Variants in MROH2A observed in about 807,000 individuals in gnomAD.
The protein encoded by MROH2A is maestro heat like repeat family member 2A, also known as maestro heat-like repeat-containing protein family member 2A.
In MROH2A, 174 loss-of-function variants were observed where a neutral mutation model predicts 200.4. The ratio of observed to expected loss-of-function variants is 0.87; its 90% CI spans 0.77 to 0.98. The LOEUF is 0.98. MROH2A is among the 50% of genes least tolerant of loss of function. The pLI is 0.00. For synonymous variants in MROH2A, 829 were observed against 840.4 expected, an observed-to-expected ratio of 0.99 and a Z score of 0.23; for missense variants, 2,045 against 2,139.6, an observed-to-expected ratio of 0.96 and a Z score of 0.87.
Position 233,820,081 on chromosome 2 carries a change from C to G in MROH2A, c.3512+25C>G. The G allele has an allele frequency of 6.7e-7, 1 of 1,488,500 alleles. No individual in the cohort carries two copies. Among genetic ancestry groups the G allele is most frequent in the Non-Finnish European group, 9.0e-7 (1 of 1,110,750 alleles). The allele number at this position is 1,488,500 out of a possible 1,614,324, so 92.2% of individuals were successfully genotyped here. ...GGTGGGTGCCCTGGAGGAGGTGGCC[C>G]CGGCCTCCTGTGCCATTTGACCATG... is the stretch of plus-strand genomic sequence containing the variant. On this transcript the variant is annotated intron_variant, in intron 31 of 41. Transcript: ENST00000389758. This position sits in a 1 kb window ranked among gnomAD's most constrained non-coding sequence, Gnocchi z 4.1.
Position 233,833,386 on chromosome 2 carries a change from C to A in MROH2A, c.*127C>A. The A allele has an allele frequency of 9.1e-7, 1 of 1,100,370 alleles. No homozygotes were observed. The highest frequency in any genetic ancestry group is 1.2e-6 in the Non-Finnish European group (1 of 807,990). 68.2% of individuals were successfully genotyped at this position (1,100,370 alleles called of 1,614,324 possible). ...AAAATAACTAGTATCCTTTTGTTTC[C>A]TTCCGTTGAAATAAACCTCCACTGT... On this transcript the variant is annotated 3_prime_UTR_variant, in exon 42 of 42. Transcript: ENST00000389758.
chr2:233,793,084 T>C (rs1255981378), intron 6 of MROH2A, among the ~76,000 whole-genome samples, 190 bp downstream of exon 6: 1 of 152,158 alleles, frequency 6.6e-6, no homozygotes, highest in African/African-American at 2.4e-5. Flanking sequence ...GGCTGAGACA[T>C]GGTGGGGGCC....
At chr2:233,796,430 G>A (rs952607595) in intron 11 of MROH2A, 117 bp downstream of exon 11, 2 of 676,142 alleles carry the variant, frequency 3.0e-6, no homozygotes, top group Admixed American at 2.8e-5. Context: ...ACTACTGGGT[G>A]GGCCAAGAAA....
chr2:233,803,334 A>C, intron 15 of MROH2A, 114 bp from the exon 16 acceptor site: 6 of 1,095,402 alleles, frequency 5.5e-6, no homozygotes, highest in Non-Finnish European at 6.7e-6. Flanking sequence ...GGTTTGGGGA[A>C]CAAGATCATG....
intron 18 of MROH2A, 115 bp downstream of exon 18, chr2:233,804,662 TCTC>T (rs1575959959): frequency 1.1e-6 from 1 of 898,806 alleles, no homozygotes. Context: ...AAGGACATGT[TCTC>T]CTTCTGTCAG....
At position 233,833,310 on chromosome 2, in the gene MROH2A, C is replaced by T; in HGVS notation, c.*51C>T. 1 of 1,454,546 alleles carries T rather than the reference C, an allele frequency of 6.9e-7. No homozygotes were observed. Among genetic ancestry groups the T allele is most frequent in the Admixed American group, 3.0e-5 (1 of 32,836 alleles). 90.1% of individuals were successfully genotyped at this position (1,454,546 alleles called of 1,614,324 possible). ...GTCTTCTTAGTGCCAAATGCAAGCCCTTTTTAATTTAGTTTGTAAGAAGTT... is the reference window on the plus strand; with the variant it reads ...GTCTTCTTAGTGCCAAATGCAAGCCTTTTTTAATTTAGTTTGTAAGAAGTT... On this transcript the variant is annotated 3_prime_UTR_variant, in exon 42 of 42. Coordinates refer to ENST00000389758, the MANE Select transcript of MROH2A (RefSeq NM_001394639.1).
intron 3 of MROH2A, among the ~76,000 whole-genome samples, chr2:233,788,939 A>C (rs1382747409): frequency 3.0e-5 from 1 of 33,158 alleles, no homozygotes; most frequent in Admixed American, 3.3e-4. Flanking sequence ...ACTCCGTCTC[A>C]AAAAAAAAAA....
chr2:233,787,726 C>CATATATACATATATATTATATATATT (rs1701336861), intron 3 of MROH2A, among the ~76,000 whole-genome samples: 1 of 34,522 alleles, frequency 2.9e-5, no homozygotes, highest in Non-Finnish European at 4.9e-5. Context: ...TTATATATAT[C>CATATATACATATATATTATATATATT]ATATATACAT....
rs13006594 is a variant in MROH2A, at chr2:233,790,483, C to T, written c.571+469C>T. 3.9e-4 allele frequency among the ~76,000 whole-genome samples: 11 copies of T among 28,394 alleles called. 1 individual carries two copies. The highest frequency in any genetic ancestry group is 2.3e-3 in the East Asian group (1 of 430). The allele number at this position is 28,394 out of a possible 152,430, so 18.6% of individuals were successfully genotyped here. Reference sequence around the variant, plus strand: ...CTTCCTCCCTCCCTCCTTCCTTCCTCCCTCCCTCCTTCCTTCCTTTCCTTT... The same window carrying T: ...CTTCCTCCCTCCCTCCTTCCTTCCTTCCTCCCTCCTTCCTTCCTTTCCTTT... On this transcript the variant is annotated intron_variant, in intron 5 of 41. Coordinates refer to ENST00000389758, the MANE Select transcript of MROH2A (RefSeq NM_001394639.1).
Position 233,800,091 on chromosome 2 carries a change from T to A in MROH2A, c.1450-114T>A, listed in dbSNP as rs890251157. The A allele has an allele frequency of 9.6e-5, 102 of 1,062,308 alleles. 2 individuals carry two copies. The highest frequency in any genetic ancestry group is 8.6e-4 in the Middle Eastern group (4 of 4,648). 65.8% of individuals were successfully genotyped at this position (1,062,308 alleles called of 1,614,324 possible). ...TAGATATATGCACAGCTCTGAGCAT[T>A]CTGTAGACTCAGTATCTGGGCATGG... On this transcript the variant is annotated intron_variant, in intron 13 of 41. Coordinates refer to ENST00000389758, the MANE Select transcript of MROH2A (RefSeq NM_001394639.1).
chr2:233,783,566 A>G (rs1270824333), intron 3 of MROH2A, among the ~76,000 whole-genome samples: 1 of 150,034 alleles, frequency 6.7e-6, no homozygotes, highest in Non-Finnish European at 1.5e-5. Flanking sequence ...TATTTTGGTG[A>G]CAAGAGTCTC....
rs747062571 is a variant in MROH2A at position 233,799,904 on chromosome 2, G to A, written c.1449+5G>A. 1 of 1,550,484 alleles carries A rather than the reference G, an allele frequency of 6.4e-7. No homozygotes were observed. Among genetic ancestry groups the A allele is most frequent in the Non-Finnish European group, 8.7e-7 (1 of 1,146,922 alleles). On this transcript the variant is annotated splice_donor_5th_base_variant and intron_variant, in intron 13 of 41. Coordinates refer to ENST00000389758, the MANE Select transcript of MROH2A (RefSeq NM_001394639.1). ...ACCTTATCCACCTACAAACTGGTGA[G>A]TGGCCCTGATACGCAGACCGCAGAG...
chr2:233,794,114 C>T (rs1701954697), intron 7 of MROH2A, among the ~76,000 whole-genome samples: 1 of 152,100 alleles, frequency 6.6e-6, no homozygotes, highest in African/African-American at 2.4e-5. Context: ...ATTTTCACAC[C>T]CACTCTGTGA....
chr2:233,793,796 C>A lies in MROH2A; in HGVS notation c.794C>A (p.Thr265Lys). ...TTCCCCATGTATCGCTACTTCGTGA[C>A]AGTGTGGCTGAGGCACTACAACCCC... ...KVFPMYRYFV[T>K]VWLRHYNPEV... The change falls in exon 7 of 42, where the codon ACA becomes AAA. Residue 265 changes from threonine (T) to lysine (K), a missense_variant. Coordinates refer to ENST00000389758, the MANE Select transcript of MROH2A (RefSeq NM_001394639.1). The A allele has an allele frequency of 1.4e-6, 2 of 1,470,722 alleles. No individual in the cohort carries two copies. Among genetic ancestry groups the A allele is most frequent in the Admixed American group, 2.4e-5 (1 of 41,158 alleles). 91.1% of individuals were successfully genotyped at this position (1,470,722 alleles called of 1,614,324 possible).
In MROH2A at chr2:233,822,539, G is replaced by A. The variant is rs753351449; in HGVS notation, c.3849G>A (p.Glu1283=). ...TGGTCCACACCACTCCTCTGCCGGA[G>A]GAGATGAACCTGCAAAGGTGCTCTC... ...WKLVHTTPLP[E]EMNLQRVTIK... The change falls in exon 33 of 42, where the codon GAG becomes GAA. Residue 1283 remains glutamate (E), a synonymous_variant. Coordinates refer to ENST00000389758, the MANE Select transcript of MROH2A (RefSeq NM_001394639.1). 4 of 1,549,972 alleles carry A rather than the reference G, an allele frequency of 2.6e-6. No homozygotes were observed. The South Asian group carries it at 3.6e-5, about 14-fold the overall frequency.
Position 233,794,432 on chromosome 2 carries a change from G to A in MROH2A, c.892G>A (p.Glu298Lys). The A allele has an allele frequency of 1.3e-6, 2 of 1,550,446 alleles. No homozygotes were observed. The highest frequency in any genetic ancestry group is 1.7e-6 in the Non-Finnish European group (2 of 1,146,904). ...CCTTCTGCCCAACGATGACCTGCGG[G>A]AGCAGGTCTACGACTACATCCCCCT... ...GLLLPNDDLR[E>K]QVYDYIPLLL... Residue 298 changes from glutamate (E) to lysine (K), a missense_variant, in exon 8 of 42, where the codon GAG becomes AAG. Physicochemically the swap from Glu to Lys is moderately conservative, Grantham distance 56. Coordinates refer to ENST00000389758, the MANE Select transcript of MROH2A (RefSeq NM_001394639.1).
chr2:233,814,009 C>T (rs1703346718), intron 25 of MROH2A, among the ~76,000 whole-genome samples: 1 of 152,178 alleles, frequency 6.6e-6, no homozygotes, highest in Admixed American at 6.5e-5. Context: ...TCAAGTCAAG[C>T]CCAGCTGTCA....
intron 3 of MROH2A, among the ~76,000 whole-genome samples, chr2:233,787,686 T>C (rs1255974192): frequency 4.1e-5 from 3 of 72,404 alleles, no homozygotes; most frequent in Non-Finnish European, 6.9e-5. Context: ...TATATACATA[T>C]ATATTATATA....
intron 3 of MROH2A, among the ~76,000 whole-genome samples, chr2:233,787,143 T>G (rs1701243641): frequency 6.6e-6 from 1 of 152,152 alleles, no homozygotes; most frequent in Non-Finnish European, 1.5e-5. Flanking sequence ...TTCCAAGTCT[T>G]TGACAGTTTT....
Sources: allele counts gnomAD v4.1 joint callset (sites outside exome capture counted in the v4.1 genomes callset), GRCh38; gene constraint gnomAD v4.1.1; non-coding constraint Gnocchi (gnomAD v3.1); transcripts MANE v1.5; gene names NCBI Gene and HGNC (gene_info 2026-07-23, HGNC 2026-07-21).